Variants in TSPAN18 observed in about 807,000 individuals in gnomAD.
TSPAN18 encodes the protein tetraspanin 18.
A neutral mutation model predicts 27.3 loss-of-function variants in TSPAN18; 14 were observed. The observed-to-expected ratio is 0.51, with a 90% CI of 0.34 to 0.80. The LOEUF (loss-of-function observed/expected upper bound fraction) is 0.80, where lower values mean the gene tolerates loss of function less well. Among genes scored for constraint, TSPAN18 ranks in the 30% least tolerant of loss-of-function variants. The pLI is 0.01. For synonymous variants in TSPAN18, 143 were observed against 136.5 expected (o/e 1.05, Z -0.33); for missense variants, 268 against 323.9 (o/e 0.83, Z 1.32).
At chr11:44,843,863 T>C (rs1857426915) in intron 2 of TSPAN18, among the ~76,000 whole-genome samples, 1 of 152,252 alleles carries the variant, frequency 6.6e-6, no homozygotes, top group Admixed American at 6.5e-5. Context: ...ATTGCTGTTA[T>C]CCTGTTCTTT....
At chr11:44,907,017 A>T (rs948033941) in intron 4 of TSPAN18, among the ~76,000 whole-genome samples, 2 of 152,210 alleles carry the variant, frequency 1.3e-5, no homozygotes, top group Admixed American at 6.5e-5. Flanking sequence ...TTCATCTCTT[A>T]ATGACCTTCC....
intron 2 of TSPAN18, among the ~76,000 whole-genome samples, chr11:44,770,482 G>A (rs1855666992): frequency 6.6e-6 from 1 of 152,156 alleles, no homozygotes; most frequent in African/African-American, 2.4e-5. Context: ...TGAGGATGCT[G>A]GGGTGCTACA....
chr11:44,891,320 G>A (rs1477152888), intron 3 of TSPAN18, among the ~76,000 whole-genome samples: 2 of 152,242 alleles, frequency 1.3e-5, no homozygotes, highest in Non-Finnish European at 2.9e-5. Flanking sequence ...GCTAGGTGCT[G>A]GGCTTTGGAG....
chr11:44,755,617 T>A (rs1269148657), intron 1 of TSPAN18, among the ~76,000 whole-genome samples: 1 of 150,958 alleles, frequency 6.6e-6, no homozygotes, highest in Non-Finnish European at 1.5e-5. Flanking sequence ...CAACCCCCTA[T>A]GTAGCTAATT....
chr11:44,868,588 C>T (rs1015602147), intron 3 of TSPAN18, among the ~76,000 whole-genome samples: 10 of 152,184 alleles, frequency 6.6e-5, no homozygotes, highest in East Asian at 1.9e-4. Context: ...TAGGGCCAGG[C>T]GGGCACAGCT....
chr11:44,897,638 C>A, intron 3 of TSPAN18: 1 of 557,892 alleles, frequency 1.8e-6, no homozygotes, highest in Non-Finnish European at 3.0e-6. Context: ...ATTAGCAGGA[C>A]AGTTGCCCCG....
At chr11:44,896,037 C>A (rs772909877) in intron 3 of TSPAN18, among the ~76,000 whole-genome samples, 5 of 152,180 alleles carry the variant, frequency 3.3e-5, no homozygotes, top group Non-Finnish European at 4.4e-5. Context: ...GTTATTTGCA[C>A]CTTGCACTCC....
At chr11:44,877,706 C>T (rs1269376724) in intron 3 of TSPAN18, among the ~76,000 whole-genome samples, 2 of 152,154 alleles carry the variant, frequency 1.3e-5, no homozygotes, top group Non-Finnish European at 2.9e-5. Context: ...TTCCACTTCG[C>T]CCACAGCCCC....
At chr11:44,813,354 C>G (rs916504267) in intron 2 of TSPAN18, among the ~76,000 whole-genome samples, 3 of 152,238 alleles carry the variant, frequency 2.0e-5, no homozygotes, top group African/African-American at 7.2e-5. Flanking sequence ...GGGAACCTCT[C>G]TGAGTCTTGG....
At chr11:44,844,696 T>C (rs1483010270) in intron 2 of TSPAN18, among the ~76,000 whole-genome samples, 1 of 152,260 alleles carries the variant, frequency 6.6e-6, no homozygotes, top group African/African-American at 2.4e-5. Flanking sequence ...TTTTTTCTTA[T>C]GGATTTGTAG....
chr11:44,841,503 G>A (rs898115111), intron 2 of TSPAN18, among the ~76,000 whole-genome samples: 2 of 115,408 alleles, frequency 1.7e-5, no homozygotes, highest in African/African-American at 5.7e-5. Context: ...GCAAGAGCAC[G>A]AAATTCCATC....
intron 3 of TSPAN18, among the ~76,000 whole-genome samples, chr11:44,863,803 C>T (rs1028494381): frequency 2.0e-5 from 3 of 151,942 alleles, no homozygotes; most frequent in Non-Finnish European, 2.9e-5. Flanking sequence ...AGTCACTTCT[C>T]GTAAGACTGT....
intron 5 of TSPAN18, among the ~76,000 whole-genome samples, chr11:44,915,855 G>T (rs1329522862): frequency 6.6e-6 from 1 of 152,214 alleles, no homozygotes; most frequent in Non-Finnish European, 1.5e-5. Context: ...GAGACCGTGA[G>T]AACAGCGTCC....
At chr11:44,855,755 C>A (rs560487655) in intron 2 of TSPAN18, among the ~76,000 whole-genome samples, 1 of 151,632 alleles carries the variant, frequency 6.6e-6, no homozygotes, top group Non-Finnish European at 1.5e-5. Flanking sequence ...CACCACCCAC[C>A]CACCTTCCCC....
intron 2 of TSPAN18, among the ~76,000 whole-genome samples, chr11:44,784,494 C>G (rs745695240): frequency 2.0e-5 from 3 of 152,170 alleles, no homozygotes; most frequent in African/African-American, 7.2e-5. Context: ...AGGTCGGCCC[C>G]GCAAACTGGG....
rs578240539 is a variant in TSPAN18 at position 44,791,691 on chromosome 11, A to G, written c.-153+27179A>G. Among the ~76,000 whole-genome samples the G allele has an allele frequency of 5.9e-5, 9 of 152,258 alleles. No individual in the cohort carries two copies. The South Asian group carries it at 1.9e-3, about 32-fold the overall frequency. On this transcript the variant is annotated intron_variant, in intron 2 of 9. Transcript: ENST00000520358. ...AGGTCTGGGCATCTGCTCTGGGAAGAGGGGATGGGCTCCGGGAGCAATGTG... is the reference window on the plus strand; with the variant it reads ...AGGTCTGGGCATCTGCTCTGGGAAGGGGGGATGGGCTCCGGGAGCAATGTG...
chr11:44,748,984 T>G (rs1855146497), intron 1 of TSPAN18, among the ~76,000 whole-genome samples: 1 of 152,066 alleles, frequency 6.6e-6, no homozygotes, highest in Non-Finnish European at 1.5e-5. Flanking sequence ...TCCATTCCCA[T>G]TTTTGGGATG....
intron 1 of TSPAN18, among the ~76,000 whole-genome samples, chr11:44,738,919 T>C (rs1230799029): frequency 6.6e-6 from 1 of 152,204 alleles, no homozygotes; most frequent in African/African-American, 2.4e-5. Flanking sequence ...TGAACAAGTA[T>C]AGGAGTGTAA....
intron 2 of TSPAN18, among the ~76,000 whole-genome samples, chr11:44,773,263 A>G (rs1855730316): frequency 6.6e-6 from 1 of 151,996 alleles, no homozygotes; most frequent in Non-Finnish European, 1.5e-5. Context: ...CTAAAAATAT[A>G]AAATTAGCCG....
Sources: allele counts gnomAD v4.1 joint callset (sites outside exome capture counted in the v4.1 genomes callset), GRCh38; gene constraint gnomAD v4.1.1; transcripts MANE v1.5; gene names NCBI Gene and HGNC (gene_info 2026-07-23, HGNC 2026-07-21).